The following FKBP1A variants were observed in gnomAD, a reference collection of about 807,000 sequenced individuals.
FKBP1A encodes peptidyl-prolyl cis-trans isomerase FKBP1A.
In FKBP1A, 5 loss-of-function variants were observed where a neutral mutation model predicts 14.2. The observed-to-expected ratio is 0.35, with a 90% CI of 0.18 to 0.74. The LOEUF (loss-of-function observed/expected upper bound fraction) is 0.74. Ranked by LOEUF, FKBP1A falls within the 30% of genes least tolerant of loss-of-function variation. The pLI is 0.56. For synonymous variants in FKBP1A, 42 were observed against 49.1 expected, an observed-to-expected ratio of 0.86 and a Z score of 0.60; for missense variants, 53 against 138.8, an observed-to-expected ratio of 0.38 and a Z score of 3.10.
chr20:1,372,667 G>A (rs6033572), intron 3 of FKBP1A, among the ~76,000 whole-genome samples: 17,761 of 152,086 alleles, frequency 0.12, 1,293 homozygotes, highest in African/African-American at 0.19. Flanking sequence ...ATATACACAG[G>A]AAGTAATACT....
At position 1,372,017 on chromosome 20, in the gene FKBP1A, G is replaced by A. The variant is rs1242837438; in HGVS notation, c.*36+59C>T. 2.6e-6 allele frequency: 4 copies of A among 1,565,816 alleles called. No individual in the cohort carries two copies. In the African/African-American group the frequency reaches 4.1e-5, roughly 16 times the overall value. ...TTCTCTCTGCTACCCATCAAACGCTGGGCATAACATGGGAGGAGCAAAGGC... is the reference window on the plus strand; with the variant it reads ...TTCTCTCTGCTACCCATCAAACGCTAGGCATAACATGGGAGGAGCAAAGGC... On this transcript the variant is annotated intron_variant, in intron 4 of 4. Transcript: ENST00000400137.
At position 1,371,230 on chromosome 20, in the gene FKBP1A, CACTT is replaced by C. The variant is rs917710771; in HGVS notation, c.*36+842_*36+845del. ...GCATTCATGTACTTAATGATTCTAA[CACTT>C]ACATGAAAAGTTACGTGCTACTAGG... On this transcript the variant is annotated intron_variant, in intron 4 of 4. Transcript: ENST00000400137. The C allele has an allele frequency of 2.4e-5, 24 of 983,918 alleles. No individual in the cohort carries two copies. In the African/African-American group the frequency reaches 3.7e-4, roughly 15 times the overall value. 60.9% of individuals were successfully genotyped at this position (983,918 alleles called of 1,614,324 possible).
chr20:1,393,014 TGAGC>T lies in FKBP1A; in HGVS notation c.-20_-17del. The T allele has an allele frequency of 6.8e-7, 1 of 1,461,110 alleles. No homozygotes were observed. Among genetic ancestry groups the T allele is most frequent in the Non-Finnish European group, 9.0e-7 (1 of 1,109,882 alleles). 90.5% of individuals were successfully genotyped at this position (1,461,110 alleles called of 1,614,324 possible). A position where few individuals can be genotyped will look rare whatever the true frequency, so the allele number is the denominator to read the frequency against. ...GCACTCCCATGGCGGCGGCGGACGC[TGAGC>T]GGGCGGGCGGCGCGACGGGCGGCGT... On this transcript the variant is annotated 5_prime_UTR_variant, in exon 1 of 5. Coordinates refer to ENST00000400137, the MANE Select transcript of FKBP1A (RefSeq NM_000801.5).
intron 2 of FKBP1A, chr20:1,376,923 C>T (rs868627128): frequency 2.0e-5 from 3 of 152,258 alleles, no homozygotes; most frequent in Admixed American, 1.3e-4. Flanking sequence ...AAAACACCAT[C>T]GGCATTGCTT....
rs578000764 is a variant in FKBP1A, at chr20:1,369,447, G to C, written c.*662C>G. ...GCTGGCCCAGGGACAGATACCTGTA[G>C]TGTCCAGCATTGCAGTGAACATGAT... On this transcript the variant is annotated 3_prime_UTR_variant, in exon 5 of 5. Transcript: ENST00000400137. The C allele has an allele frequency of 1.3e-5, 2 of 153,990 alleles. No individual in the cohort carries two copies. Among genetic ancestry groups the C allele is most frequent in the African/African-American group, 5.3e-5 (2 of 37,724 alleles). 9.5% of individuals were successfully genotyped at this position (153,990 alleles called of 1,614,324 possible). A position where few individuals can be genotyped will look rare whatever the true frequency, so the allele number is the denominator to read the frequency against.
In FKBP1A at chr20:1,371,982, G is replaced by T. The variant is rs968297361; in HGVS notation, c.*36+94C>A. The T allele has an allele frequency of 3.1e-5, 46 of 1,501,176 alleles. No homozygotes were observed. The African/African-American group carries it at 6.0e-4, about 20-fold the overall frequency. The allele number at this position is 1,501,176 out of a possible 1,614,324, so 93.0% of individuals were successfully genotyped here. A position where few individuals can be genotyped will look rare whatever the true frequency, so the allele number is the denominator to read the frequency against. Reference sequence around the variant, plus strand: ...ATGCAGGGGGAAAAATAGCCTTGTGGTGTTTTTTGTTCTCTCTGCTACCCA... The same window carrying T: ...ATGCAGGGGGAAAAATAGCCTTGTGTTGTTTTTTGTTCTCTCTGCTACCCA... On this transcript the variant is annotated intron_variant, in intron 4 of 4. Transcript: ENST00000400137.
intron 2 of FKBP1A, among the ~76,000 whole-genome samples, chr20:1,380,778 TATCA>T (rs928604336): frequency 4.8e-4 from 73 of 152,274 alleles, no homozygotes; most frequent in African/African-American, 1.7e-3. Context: ...TGAGGAGACT[TATCA>T]ATCAATTGAA....
intron 3 of FKBP1A, among the ~76,000 whole-genome samples, chr20:1,372,819 C>A (rs1182219851): frequency 1.3e-5 from 2 of 152,120 alleles, no homozygotes; most frequent in Non-Finnish European, 2.9e-5. Flanking sequence ...GATATGCCTA[C>A]AACAGAAAAC....
chr20:1,387,674 G>A (rs777171499), intron 2 of FKBP1A, among the ~76,000 whole-genome samples: 3 of 152,064 alleles, frequency 2.0e-5, no homozygotes, highest in Non-Finnish European at 4.4e-5. Context: ...GGCGAAACCC[G>A]TCTCTACAAA....
chr20:1,379,431 C>A lies in FKBP1A; in HGVS notation c.86-3828G>T, dbSNP rs565176937. Among the ~76,000 whole-genome samples the A allele has an allele frequency of 6.6e-6, 1 of 152,250 alleles. No homozygotes were observed. Among genetic ancestry groups the A allele is most frequent in the South Asian group, 2.1e-4 (1 of 4,814 alleles). ...CTCTATGTGAGGATGCCTGTCTAACCCCAGCTCTCCTGAGCCTATCTTGGA... is the reference window on the plus strand; with the variant it reads ...CTCTATGTGAGGATGCCTGTCTAACACCAGCTCTCCTGAGCCTATCTTGGA... On this transcript the variant is annotated intron_variant, in intron 2 of 4. Coordinates refer to ENST00000400137, the MANE Select transcript of FKBP1A (RefSeq NM_000801.5). The surrounding 1 kb of genome is among the most constrained non-coding windows in gnomAD (Gnocchi z 4.3).
At chr20:1,371,256 T>C in intron 4 of FKBP1A, 2 of 953,966 alleles carry the variant, frequency 2.1e-6, no homozygotes, top group Non-Finnish European at 2.5e-6. Flanking sequence ...TACGTGCTAC[T>C]AGGATACTGA....
chr20:1,390,031 G>A (rs1480916632), intron 2 of FKBP1A, among the ~76,000 whole-genome samples: 2 of 152,136 alleles, frequency 1.3e-5, no homozygotes, highest in African/African-American at 4.8e-5. Flanking sequence ...AGAAGGTCAC[G>A]GAAGTCACCA....
At chr20:1,374,559 T>A in intron 3 of FKBP1A, 1 of 152,144 alleles carries the variant, frequency 6.6e-6, no homozygotes, top group East Asian at 1.9e-4. Context: ...GTGGTGGCAG[T>A]CCAGAGTGCA....
chr20:1,375,619 C>G lies in FKBP1A; in HGVS notation c.86-16G>C, dbSNP rs1248414429. On this transcript the variant is annotated splice_polypyrimidine_tract_variant and intron_variant, in intron 2 of 4. Coordinates refer to ENST00000400137, the MANE Select transcript of FKBP1A (RefSeq NM_000801.5). ...TCAAGCATCCCTGTGAAAAAGACGACTGTAACATGAGCAGCAGAGTAATGA... is the reference window on the plus strand; with the variant it reads ...TCAAGCATCCCTGTGAAAAAGACGAGTGTAACATGAGCAGCAGAGTAATGA... The G allele has an allele frequency of 1.3e-6, 2 of 1,534,496 alleles. No individual in the cohort carries two copies. The highest frequency in any genetic ancestry group is 2.2e-5 in the South Asian group (2 of 89,410).
intron 3 of FKBP1A, among the ~76,000 whole-genome samples, chr20:1,373,850 G>A (rs1288053993): frequency 1.1e-5 from 1 of 93,546 alleles, no homozygotes; most frequent in African/African-American, 3.3e-5. Context: ...AGACTAGGGA[G>A]ACAGAGGCAA....
intron 2 of FKBP1A, among the ~76,000 whole-genome samples, chr20:1,376,268 C>T (rs771080600): frequency 3.9e-5 from 6 of 152,186 alleles, no homozygotes; most frequent in East Asian, 1.9e-4. Context: ...GAACCTGGGG[C>T]GTAAAGCTGG....
At chr20:1,376,071 T>C (rs2089539050) in intron 2 of FKBP1A, among the ~76,000 whole-genome samples, 1 of 152,192 alleles carries the variant, frequency 6.6e-6, no homozygotes, top group Non-Finnish European at 1.5e-5. Context: ...GCTCCTCCAT[T>C]GTTCAGTGCA....
intron 2 of FKBP1A, among the ~76,000 whole-genome samples, chr20:1,391,260 C>A (rs2089732704): frequency 6.6e-6 from 1 of 152,058 alleles, no homozygotes; most frequent in African/African-American, 2.4e-5. Flanking sequence ...CAGTTGGCTG[C>A]GGAACTGAAT....
intron 2 of FKBP1A, 91 bp downstream of exon 2, chr20:1,392,743 C>A (rs953039704): frequency 1.7e-4 from 163 of 976,282 alleles, no homozygotes; most frequent in Non-Finnish European, 2.0e-4. Flanking sequence ...GCCCCGGACC[C>A]CAGGCCCCGG....
Sources: gnomAD v4.1 joint callset for allele counts (sites outside exome capture counted in the v4.1 genomes callset) on GRCh38, gnomAD v4.1.1 for gene constraint, Gnocchi (gnomAD v3.1) non-coding constraint, MANE v1.5 for transcripts, NCBI Gene and HGNC (gene_info 2026-07-23, HGNC 2026-07-21) for gene names.